The following FXYD5 variants were observed in gnomAD, a reference collection of about 807,000 sequenced individuals.
FXYD5 encodes FXYD domain-containing ion transport regulator 5.
FXYD5 carries 21 observed loss-of-function variants against 25.7 expected under a neutral mutation model. The observed-to-expected ratio is 0.82, with a 90% confidence interval of 0.58 to 1.18. The LOEUF is 1.18. Ranked by LOEUF, FXYD5 falls within the 50% of genes most tolerant of loss-of-function variation. The probability of loss-of-function intolerance (pLI) is 0.00; values close to 1 mark genes in which losing one functional copy is unlikely to be tolerated. For missense variants in FXYD5, 229 were observed against 227.7 expected, an observed-to-expected ratio of 1.01 and a Z score of -0.04; for synonymous variants, 101 against 90.7, an observed-to-expected ratio of 1.11 and a Z score of -0.64.
Position 35,158,234 on chromosome 19 carries a change from ACATTAAAGTTGAGTTG to A in FXYD5, c.143-108_143-93del, listed in dbSNP as rs556846033. ...CTGGATTAATTAAGCCATTTCTATT[ACATTAAAGTTGAGTTG>A]CTACGGGAATCTCTGGCATCTCCAC... On this transcript the variant is annotated intron_variant, in intron 3 of 8. Coordinates refer to ENST00000392219, the MANE Select transcript of FXYD5 (RefSeq NM_014164.6). 222 of 748,646 alleles carry A rather than the reference ACATTAAAGTTGAGTTG, an allele frequency of 3.0e-4. No homozygotes were observed. The African/African-American group carries it at 3.4e-3, about 11-fold the overall frequency. The allele number at this position is 748,646 out of a possible 1,614,324, so 46.4% of individuals were successfully genotyped here.
chr19:35,158,688 G>A (rs1161463916), intron 4 of FXYD5, among the ~76,000 whole-genome samples: 3 of 152,116 alleles, frequency 2.0e-5, no homozygotes, highest in Non-Finnish European at 4.4e-5. Flanking sequence ...ACTACCAACC[G>A]GGTCAAGGAG....
chr19:35,160,221 A>G (rs866640437), intron 4 of FXYD5, among the ~76,000 whole-genome samples: 4 of 152,240 alleles, frequency 2.6e-5, no homozygotes, highest in Middle Eastern at 6.8e-3. Flanking sequence ...AAATAAATAA[A>G]AGTAAAAATA....
chr19:35,164,077 A>T (rs570371024), intron 5 of FXYD5, 79 bp from the exon 6 acceptor site: 3 of 1,607,968 alleles, frequency 1.9e-6, no homozygotes, highest in Non-Finnish European at 1.7e-6. Context: ...TTTCTTCCAG[A>T]TGCAGACTCT....
intron 8 of FXYD5, among the ~76,000 whole-genome samples, chr19:35,168,234 A>G (rs2145432709): frequency 6.6e-6 from 1 of 152,278 alleles, no homozygotes; most frequent in Non-Finnish European, 1.5e-5. Flanking sequence ...CATGGTGGTG[A>G]CAAGCAGCCC....
At chr19:35,164,048 T>C (rs1435630018) in intron 5 of FXYD5, 108 bp from the exon 6 acceptor site, 8 of 1,576,532 alleles carry the variant, frequency 5.1e-6, no homozygotes, top group Middle Eastern at 3.3e-4. Context: ...ACACCAGCTG[T>C]GTAGATGTGG....
At chr19:35,168,064 T>C (rs1055455991) in intron 8 of FXYD5, among the ~76,000 whole-genome samples, 9 of 145,716 alleles carry the variant, frequency 6.2e-5, no homozygotes. Flanking sequence ...ACACAAATAA[T>C]TTTTTTTACT....
At chr19:35,167,308 G>C (rs1203894535) in intron 8 of FXYD5, among the ~76,000 whole-genome samples, 1 of 152,202 alleles carries the variant, frequency 6.6e-6, no homozygotes, top group Non-Finnish European at 1.5e-5. Flanking sequence ...GGCTTTGCAG[G>C]AGGCCTGGTG....
chr19:35,160,849 T>C, intron 5 of FXYD5, 48 bp downstream of exon 5: 1 of 1,119,702 alleles, frequency 8.9e-7, no homozygotes, highest in Non-Finnish European at 1.4e-6. Context: ...TGTTTAATTC[T>C]CTATCTAGGT....
At chr19:35,158,273 C>T (rs1351155556) in intron 3 of FXYD5, 71 bp from the exon 4 acceptor site, 6 of 932,510 alleles carry the variant, frequency 6.4e-6, no homozygotes, top group Non-Finnish European at 1.1e-5. Flanking sequence ...CTGGCATCTC[C>T]ACCCATAGAC....
chr19:35,155,403 C>T, intron 1 of FXYD5, 148 bp from the exon 2 acceptor site: 1 of 682,748 alleles, frequency 1.5e-6, no homozygotes, highest in Non-Finnish European at 2.6e-6. Context: ...CCCCTTTCCC[C>T]TGAGGCCAGC....
At position 35,164,244 on chromosome 19, in the gene FXYD5, T is replaced by A. The variant is rs377234356; in HGVS notation, c.381T>A (p.Ser127=). The part of the protein sequence containing the change: ...VQTDPQTLKP[S]GFHEDDPFFY... ...CAGACCCCCAGACCCTCAAGCCATC[T>A]GGTTAGTAACTGCCTCCCCAGACTG... is the stretch of plus-strand genomic sequence containing the variant. The change falls in exon 6 of 9, where the codon TCT becomes TCA. Residue 127 remains serine (S), a splice_region_variant and synonymous_variant. Coordinates refer to ENST00000392219, the MANE Select transcript of FXYD5 (RefSeq NM_014164.6). 1.2e-6 allele frequency: 2 copies of A among 1,609,766 alleles called. No homozygotes were observed. The highest frequency in any genetic ancestry group is 1.7e-6 in the Non-Finnish European group (2 of 1,178,242).
At position 35,169,784 on chromosome 19, in the gene FXYD5, C is replaced by A. The variant is rs1182826432; in HGVS notation, c.*169C>A. 1 of 614,810 alleles carries A rather than the reference C, an allele frequency of 1.6e-6. No individual in the cohort carries two copies. Among genetic ancestry groups the A allele is most frequent in the Non-Finnish European group, 2.9e-6 (1 of 343,338 alleles). 38.1% of individuals were successfully genotyped at this position (614,810 alleles called of 1,614,324 possible). A position where few individuals can be genotyped will look rare whatever the true frequency, so the allele number is the denominator to read the frequency against. ...GCCGGTCCGAGTCTCCTACCTCCCC[C>A]AACCCTGCCCGCCCCTGAAGGCTAC... On this transcript the variant is annotated 3_prime_UTR_variant, in exon 9 of 9. Transcript: ENST00000392219.
At chr19:35,167,275 C>T (rs530148375) in intron 8 of FXYD5, among the ~76,000 whole-genome samples, 117 of 152,262 alleles carry the variant, frequency 7.7e-4, no homozygotes, top group Admixed American at 2.2e-3. Flanking sequence ...TATCCCCCAG[C>T]CTGAGGGACA....
Position 35,166,255 on chromosome 19 carries a change from A to C in FXYD5, c.417A>C (p.Glu139Asp), listed in dbSNP as rs759605413. 5 of 1,612,550 alleles carry C rather than the reference A, an allele frequency of 3.1e-6. No individual in the cohort carries two copies. The change falls in exon 8 of 9, where the codon GAA becomes GAC. Residue 139 changes from glutamate (E) to aspartate (D), a missense_variant. Glu to Asp is a conservative substitution (Grantham distance 45). Transcript: ENST00000392219. ...CCTTCATTTTTCTCTCTGCAGATGAACACACCCTCCGGAAACGGGGGCTGT... is the reference window on the plus strand; with the variant it reads ...CCTTCATTTTTCTCTCTGCAGATGACCACACCCTCCGGAAACGGGGGCTGT... ...FHEDDPFFYD[E>D]HTLRKRGLLV...
intron 8 of FXYD5, among the ~76,000 whole-genome samples, chr19:35,167,633 A>G (rs1319715492): frequency 6.6e-6 from 1 of 152,222 alleles, no homozygotes; most frequent in African/African-American, 2.4e-5. Flanking sequence ...TGTATAACCA[A>G]TGCCAAGTTT....
At position 35,166,265 on chromosome 19, in the gene FXYD5, C is replaced by A. The variant is rs200435409; in HGVS notation, c.427C>A (p.Arg143=). The change falls in exon 8 of 9, where the codon CGG becomes AGG. Residue 143 remains arginine, a synonymous_variant. Coordinates refer to ENST00000392219, the MANE Select transcript of FXYD5 (RefSeq NM_014164.6). Reference sequence around the variant, plus strand: ...TCTCTCTGCAGATGAACACACCCTCCGGAAACGGGGGCTGTTGGTCGCAGC... The same window carrying A: ...TCTCTCTGCAGATGAACACACCCTCAGGAAACGGGGGCTGTTGGTCGCAGC... The part of the protein sequence containing the change: ...DPFFYDEHTL[R]KRGLLVAAVL... 5 of 1,611,928 alleles carry A rather than the reference C, an allele frequency of 3.1e-6. No homozygotes were observed. The Admixed American group carries it at 8.3e-5, about 27-fold the overall frequency.
chr19:35,168,076 A>T (rs1443079722), intron 8 of FXYD5, among the ~76,000 whole-genome samples: 1 of 92,482 alleles, frequency 1.1e-5, no homozygotes, highest in Admixed American at 1.2e-4. Flanking sequence ...TTTTTTACTT[A>T]AAAAAAAAAA....
chr19:35,161,802 G>A (rs748818220), intron 5 of FXYD5, among the ~76,000 whole-genome samples: 1 of 152,248 alleles, frequency 6.6e-6, no homozygotes, highest in East Asian at 1.9e-4. Flanking sequence ...GGAAAGTGTT[G>A]TAGAGTAGGC....
At chr19:35,159,892 C>A in intron 4 of FXYD5, 1 of 405,774 alleles carries the variant, frequency 2.5e-6, no homozygotes, top group Non-Finnish European at 4.3e-6. Flanking sequence ...AAAGGACATG[C>A]ATGCTTAATG....
Sources: gnomAD v4.1 joint callset for allele counts (sites outside exome capture counted in the v4.1 genomes callset) on GRCh38, gnomAD v4.1.1 for gene constraint, MANE v1.5 for transcripts, NCBI Gene and HGNC (gene_info 2026-07-23, HGNC 2026-07-21) for gene names.